Variants in CNTN3 observed in about 807,000 individuals in gnomAD.
The protein encoded by CNTN3 is contactin 3, also known as contactin-3.
Under a neutral mutation model 119.1 loss-of-function variants are expected in CNTN3, and 60 were observed. That is an observed-to-expected ratio of 0.50 (90% CI 0.41 to 0.62). The LOEUF (loss-of-function observed/expected upper bound fraction) is 0.62. Among genes scored for constraint, CNTN3 ranks in the 20% least tolerant of loss-of-function variants. CNTN3 has a pLI of 0.00. For missense variants in CNTN3, 1,101 were observed against 1,242.4 expected (o/e 0.89, Z 1.71); for synonymous variants, 450 against 438.7 (o/e 1.03, Z -0.32).
At chr3:74,537,765 C>T (rs1703786496) in intron 1 of CNTN3, among the ~76,000 whole-genome samples, 1 of 152,066 alleles carries the variant, frequency 6.6e-6, no homozygotes, top group Non-Finnish European at 1.5e-5. Flanking sequence ...GCAAGAAGTA[C>T]ATTAACAGAG....
At chr3:74,314,732 A>C (rs1352938659) in intron 13 of CNTN3, among the ~76,000 whole-genome samples, 1 of 152,232 alleles carries the variant, frequency 6.6e-6, no homozygotes. Context: ...ATCAAGAATG[A>C]ACAGATCCAA....
At chr3:74,361,776 T>C in intron 11 of CNTN3, 114 bp downstream of exon 11, 1 of 1,078,120 alleles carries the variant, frequency 9.3e-7, no homozygotes, top group Non-Finnish European at 1.3e-6. Context: ...TTCTTAAAGA[T>C]CTCACATGCT....
At chr3:74,431,503 G>T (rs1701782477) in intron 4 of CNTN3, among the ~76,000 whole-genome samples, 1 of 152,150 alleles carries the variant, frequency 6.6e-6, no homozygotes, top group African/African-American at 2.4e-5. Context: ...CAAGTTAAAT[G>T]AGTTTCTTTT....
chr3:74,476,275 A>T (rs1009631963), intron 4 of CNTN3, among the ~76,000 whole-genome samples: 3 of 152,210 alleles, frequency 2.0e-5, no homozygotes, highest in African/African-American at 4.8e-5. Context: ...ATAGTTCAGT[A>T]TTCATTAATT....
At chr3:74,470,859 A>C (rs569579469) in intron 4 of CNTN3, among the ~76,000 whole-genome samples, 47 of 130,680 alleles carry the variant, frequency 3.6e-4, no homozygotes, top group African/African-American at 1.3e-3. Context: ...ATGCCAAAAC[A>C]TATTCGGTTT....
At chr3:74,577,989 G>A (rs759761105) in intron 1 of CNTN3, among the ~76,000 whole-genome samples, 19 of 151,946 alleles carry the variant, frequency 1.3e-4, no homozygotes, top group Non-Finnish European at 2.7e-4. Flanking sequence ...CAAATGTTCT[G>A]TACTTTTATT....
chr3:74,314,456 G>A (rs1253020461), intron 13 of CNTN3, among the ~76,000 whole-genome samples: 1 of 152,150 alleles, frequency 6.6e-6, no homozygotes, highest in Non-Finnish European at 1.5e-5. Context: ...AAAAGGGATA[G>A]CGAAATATAT....
At chr3:74,291,780 C>T (rs924907143) in intron 19 of CNTN3, among the ~76,000 whole-genome samples, 1 of 152,158 alleles carries the variant, frequency 6.6e-6, no homozygotes, top group African/African-American at 2.4e-5. Context: ...TGGCTCCCTT[C>T]CCAAAGCCCC....
intron 1 of CNTN3, among the ~76,000 whole-genome samples, chr3:74,537,472 G>T (rs1205967697): frequency 6.6e-6 from 1 of 152,114 alleles, no homozygotes; most frequent in Non-Finnish European, 1.5e-5. Context: ...GGTTGTCAAT[G>T]CATTTGGGAA....
chr3:74,544,509 C>T (rs1233278741), intron 1 of CNTN3, among the ~76,000 whole-genome samples: 1 of 152,114 alleles, frequency 6.6e-6, no homozygotes, highest in Non-Finnish European at 1.5e-5. Flanking sequence ...AACCCTCCTC[C>T]CCACTTGGAC....
chr3:74,270,633 G>A (rs1306973202), intron 20 of CNTN3, among the ~76,000 whole-genome samples: 1 of 152,188 alleles, frequency 6.6e-6, no homozygotes, highest in Non-Finnish European at 1.5e-5. Flanking sequence ...GAGTCAAGTA[G>A]TGAATTAGGA....
At chr3:74,496,515 T>C (rs1201306787) in intron 3 of CNTN3, among the ~76,000 whole-genome samples, 1 of 152,046 alleles carries the variant, frequency 6.6e-6, no homozygotes, top group Non-Finnish European at 1.5e-5. Flanking sequence ...TGGTCCCTGT[T>C]GGCATGTACC....
At chr3:74,410,016 T>C (rs1701411788) in intron 5 of CNTN3, among the ~76,000 whole-genome samples, 1 of 152,186 alleles carries the variant, frequency 6.6e-6, no homozygotes, top group African/African-American at 2.4e-5. Context: ...TTTTATGAGA[T>C]GAAGTGTGAA....
At chr3:74,520,617 T>C (rs1021235916) in intron 2 of CNTN3, among the ~76,000 whole-genome samples, 1 of 151,520 alleles carries the variant, frequency 6.6e-6, no homozygotes, top group African/African-American at 2.4e-5. Flanking sequence ...AAAATAAAAT[T>C]GTATCTATAT....
intron 11 of CNTN3, among the ~76,000 whole-genome samples, chr3:74,357,054 G>A (rs1703952338): frequency 6.6e-6 from 1 of 151,892 alleles, no homozygotes; most frequent in South Asian, 2.1e-4. Context: ...CTCCTGAGTA[G>A]CTGGGACTAC....
chr3:74,522,565 G>C (rs1703558720), intron 1 of CNTN3, among the ~76,000 whole-genome samples: 1 of 151,858 alleles, frequency 6.6e-6, no homozygotes. Flanking sequence ...GATAGGAAAA[G>C]GAAGGCAGCC....
intron 5 of CNTN3, among the ~76,000 whole-genome samples, chr3:74,382,217 C>A (rs942844050): frequency 1.3e-5 from 2 of 151,822 alleles, no homozygotes; most frequent in Admixed American, 6.6e-5. Flanking sequence ...TAAAAAAAAA[C>A]TAATAATAGC....
intron 4 of CNTN3, among the ~76,000 whole-genome samples, chr3:74,438,796 G>A (rs545639969): frequency 3.3e-4 from 51 of 152,268 alleles, no homozygotes; most frequent in African/African-American, 1.0e-3. Flanking sequence ...TTTAAGACAC[G>A]TGTGATTTTT....
chr3:74,564,299 G>A (rs1575832618), intron 1 of CNTN3, among the ~76,000 whole-genome samples: 1 of 152,212 alleles, frequency 6.6e-6, no homozygotes, highest in South Asian at 2.1e-4. Flanking sequence ...GAGGAGGTTT[G>A]GACCAAGGAT....
Sources: allele counts gnomAD v4.1 joint callset (sites outside exome capture counted in the v4.1 genomes callset), GRCh38; gene constraint gnomAD v4.1.1; transcripts MANE v1.5; gene names NCBI Gene and HGNC (gene_info 2026-07-23, HGNC 2026-07-21).